The following NFIC variants were observed in gnomAD, a reference collection of about 807,000 sequenced individuals.
NFIC encodes the protein nuclear factor I C.
A neutral mutation model predicts 54.4 loss-of-function variants in NFIC; 12 were observed. That is an observed-to-expected ratio of 0.22 (90% CI 0.14 to 0.36). The LOEUF (loss-of-function observed/expected upper bound fraction) is 0.36. NFIC is among the 10% of genes least tolerant of loss of function. The probability of loss-of-function intolerance (pLI) is 1.00; values close to 1 mark genes in which losing one functional copy is unlikely to be tolerated. For synonymous variants in NFIC, 322 were observed against 319.2 expected (o/e 1.01, Z -0.09); for missense variants, 575 against 718.2 (o/e 0.80, Z 2.28).
At chr19:3,394,979 A>G (rs1046970548) in intron 2 of NFIC, among the ~76,000 whole-genome samples, 11 of 152,134 alleles carry the variant, frequency 7.2e-5, no homozygotes, top group African/African-American at 2.7e-4. Flanking sequence ...GCTGTTCCAG[A>G]GAATTCGGAA....
intron 2 of NFIC, among the ~76,000 whole-genome samples, chr19:3,412,001 C>G (rs2081770898): frequency 6.6e-6 from 1 of 152,202 alleles, no homozygotes; most frequent in Non-Finnish European, 1.5e-5. Flanking sequence ...TCTACCGGGC[C>G]AGGAGAAAAC....
intron 3 of NFIC, among the ~76,000 whole-genome samples, chr19:3,426,706 G>T (rs919925877): frequency 6.6e-6 from 1 of 151,846 alleles, no homozygotes; most frequent in Admixed American, 6.6e-5. Context: ...TCTCCCCGTC[G>T]TCCACTCCCA....
Position 3,463,515 on chromosome 19 carries a change from A to T in NFIC, c.*746A>T. The T allele has an allele frequency of 1.0e-6, 1 of 981,878 alleles. No homozygotes were observed. The highest frequency in any genetic ancestry group is 1.2e-6 in the Non-Finnish European group (1 of 828,938). 60.8% of individuals were successfully genotyped at this position (981,878 alleles called of 1,614,324 possible). The stretch of plus-strand genomic sequence containing the variant: ...GCCCTGCCTGCCGCGGGGCCTCCCC[A>T]CAAGCCCCTCCCAAAGCGCCGGCCG... On this transcript the variant is annotated 3_prime_UTR_variant, in exon 11 of 11. Coordinates refer to ENST00000443272, the MANE Select transcript of NFIC (RefSeq NM_001245002.2).
chr19:3,456,523 G>A (rs2082559536), intron 9 of NFIC, 27 bp from the exon 10 acceptor site: 2 of 1,549,780 alleles, frequency 1.3e-6, no homozygotes, highest in Non-Finnish European at 1.7e-6. Flanking sequence ...CTCGCTAACG[G>A]GCTCTCGGTC....
chr19:3,453,628 T>C lies in NFIC; in HGVS notation c.1270-135T>C. 1 of 1,224,374 alleles carries C rather than the reference T, an allele frequency of 8.2e-7. No homozygotes were observed. The highest frequency in any genetic ancestry group is 1.1e-6 in the Non-Finnish European group (1 of 912,920). The allele number at this position is 1,224,374 out of a possible 1,614,324, so 75.8% of individuals were successfully genotyped here. A position where few individuals can be genotyped will look rare whatever the true frequency, so the allele number is the denominator to read the frequency against. Reference sequence around the variant, plus strand: ...GTCCTCAGACCCACCAAACCCGCCATGGTCACACCCGCGCCCTGGCCCCCC... The same window carrying C: ...GTCCTCAGACCCACCAAACCCGCCACGGTCACACCCGCGCCCTGGCCCCCC... On this transcript the variant is annotated intron_variant, in intron 8 of 10. Coordinates refer to ENST00000443272, the MANE Select transcript of NFIC (RefSeq NM_001245002.2). This position sits in a 1 kb window ranked among gnomAD's most constrained non-coding sequence, Gnocchi z 6.7.
In NFIC at chr19:3,366,598, C is replaced by A. The variant is rs754171905; in HGVS notation, c.-39C>A. On this transcript the variant is annotated 5_prime_UTR_variant, in exon 1 of 11. Transcript: ENST00000443272. ...AAAATGACTCAGTAAGTTCAGCGCG[C>A]CCGCTCCGGCCGGCCCTGCGCCTCC... 7.2e-7 allele frequency: 1 copy of A among 1,391,008 alleles called. No individual in the cohort carries two copies. The highest frequency in any genetic ancestry group is 1.3e-5 in the South Asian group (1 of 74,240). 86.2% of individuals were successfully genotyped at this position (1,391,008 alleles called of 1,614,324 possible). A position where few individuals can be genotyped will look rare whatever the true frequency, so the allele number is the denominator to read the frequency against.
chr19:3,359,863 C>G (rs1399138303), intron 1 of NFIC, among the ~76,000 whole-genome samples: 2 of 150,704 alleles, frequency 1.3e-5, no homozygotes, highest in African/African-American at 2.4e-5. Flanking sequence ...GATCCCCCCC[C>G]GCACCCCGGC....
intron 1 of NFIC, among the ~76,000 whole-genome samples, chr19:3,380,309 C>CTTTTTTTTTTT (rs529220524): frequency 9.2e-5 from 6 of 65,148 alleles, no homozygotes; most frequent in South Asian, 6.8e-4. Context: ...CAGCCTTGTT[C>CTTTTTTTTTTT]TTTTTTTTTT....
At chr19:3,406,613 A>G (rs992605954) in intron 2 of NFIC, among the ~76,000 whole-genome samples, 3 of 152,164 alleles carry the variant, frequency 2.0e-5, no homozygotes. Flanking sequence ...GTGTTGGATA[A>G]AAGCATCACA....
intron 2 of NFIC, among the ~76,000 whole-genome samples, chr19:3,391,350 G>C (rs562002308): frequency 1.3e-5 from 2 of 152,246 alleles, no homozygotes; most frequent in South Asian, 4.1e-4. Flanking sequence ...ATAATAACAA[G>C]TAATAATATT....
In NFIC at chr19:3,375,751, G is replaced by A. The variant is rs769696424; in HGVS notation, c.31-5961G>A. On this transcript the variant is annotated intron_variant, in intron 1 of 10. Coordinates refer to ENST00000443272, the MANE Select transcript of NFIC (RefSeq NM_001245002.2). This position sits in a 1 kb window ranked among gnomAD's most constrained non-coding sequence, Gnocchi z 4.6. Reference sequence around the variant, plus strand: ...AATCTGATGTCCTGCCCCTCCCCCCGAAGCACCCCACGGCCGGAGGTGGCC... The same window carrying A: ...AATCTGATGTCCTGCCCCTCCCCCCAAAGCACCCCACGGCCGGAGGTGGCC... Among the ~76,000 whole-genome samples the A allele has an allele frequency of 1.1e-4, 16 of 152,152 alleles. No homozygotes were observed. Among genetic ancestry groups the A allele is most frequent in the Non-Finnish European group, 1.8e-4 (12 of 68,024 alleles).
In NFIC at chr19:3,449,292, C is replaced by T. The variant is rs572379025; in HGVS notation, c.1084+153C>T. Among the ~76,000 whole-genome samples the T allele has an allele frequency of 1.1e-4, 16 of 152,250 alleles. No homozygotes were observed. The South Asian group carries it at 1.9e-3, about 18-fold the overall frequency. Reference sequence around the variant, plus strand: ...ACCATAGAGGTGCCGTAGTGGAGAGCGCCCAGGGCCTTGTTCCAGCCCGGC... The same window carrying T: ...ACCATAGAGGTGCCGTAGTGGAGAGTGCCCAGGGCCTTGTTCCAGCCCGGC... On this transcript the variant is annotated intron_variant, in intron 7 of 10. Coordinates refer to ENST00000443272, the MANE Select transcript of NFIC (RefSeq NM_001245002.2).
intron 10 of NFIC, among the ~76,000 whole-genome samples, chr19:3,461,421 T>C (rs753631438): frequency 4.6e-5 from 7 of 151,702 alleles, no homozygotes; most frequent in Non-Finnish European, 7.4e-5. Flanking sequence ...AGACCCTGTC[T>C]CAAAATAAAA....
At position 3,438,679 on chromosome 19, in the gene NFIC, C is replaced by T. The variant is rs536744999; in HGVS notation, c.958+3472C>T. 4.5e-4 allele frequency among the ~76,000 whole-genome samples: 68 copies of T among 152,024 alleles called. No homozygotes were observed. The South Asian group carries it at 0.013, about 29-fold the overall frequency. ...GTCTCGATCTCCTGACCTCGTGATC[C>T]GCCCATCTCGGCCTCCCAAAGTGCT... On this transcript the variant is annotated intron_variant, in intron 6 of 10. Transcript: ENST00000443272.
chr19:3,365,911 T>C (rs76376000), upstream of NFIC, among the ~76,000 whole-genome samples: 25,384 of 152,196 alleles, frequency 0.17, 2,252 homozygotes, highest in Non-Finnish European at 0.19. Context: ...AGCCCCTGCC[T>C]GGCTCTGGGG....
rs112991835 is a variant in NFIC, at chr19:3,437,622, C to T, written c.958+2415C>T. Among the ~76,000 whole-genome samples the T allele has an allele frequency of 8.6e-3, 1,142 of 132,186 alleles. 21 individuals carry two copies. The highest frequency in any genetic ancestry group is 0.031 in the African/African-American group (1,098 of 35,220). The allele number at this position is 132,186 out of a possible 152,430, so 86.7% of individuals were successfully genotyped here. A position where few individuals can be genotyped will look rare whatever the true frequency, so the allele number is the denominator to read the frequency against. The stretch of plus-strand genomic sequence containing the variant: ...GTGCACGCCAGCCTGGGCAACAGAA[C>T]GAGACTATGTCTCAAAAAAAAAAAA... On this transcript the variant is annotated intron_variant, in intron 6 of 10. Transcript: ENST00000443272.
chr19:3,409,499 C>A (rs547389763), intron 2 of NFIC, among the ~76,000 whole-genome samples: 47 of 152,310 alleles, frequency 3.1e-4, no homozygotes, highest in Middle Eastern at 3.4e-3. Flanking sequence ...ACTTCCTTCT[C>A]TGCCATCCCC....
intron 3 of NFIC, among the ~76,000 whole-genome samples, chr19:3,432,321 A>AC (rs879433924): frequency 2.5e-4 from 38 of 151,816 alleles, no homozygotes; most frequent in Non-Finnish European, 4.4e-4. Flanking sequence ...CTCCCATTCA[A>AC]CCCCCCATTT....
chr19:3,405,965 G>A (rs1222891894), intron 2 of NFIC, among the ~76,000 whole-genome samples: 1 of 151,960 alleles, frequency 6.6e-6, no homozygotes, highest in Admixed American at 6.6e-5. Context: ...CTGTCACCCA[G>A]GCTGGAGTGC....
Sources: allele counts gnomAD v4.1 joint callset (sites outside exome capture counted in the v4.1 genomes callset), GRCh38; gene constraint gnomAD v4.1.1; non-coding constraint Gnocchi (gnomAD v3.1); transcripts MANE v1.5; gene names NCBI Gene and HGNC (gene_info 2026-07-23, HGNC 2026-07-21).